The following CDH18 variants were observed in gnomAD, a reference collection of about 807,000 sequenced individuals.
CDH18 encodes cadherin-18.
In CDH18, 31 loss-of-function variants were observed where a neutral mutation model predicts 67.9. The observed-to-expected ratio is 0.46, with a 90% CI of 0.34 to 0.62. The LOEUF (loss-of-function observed/expected upper bound fraction) is 0.62, where lower values mean the gene tolerates loss of function less well. Ranked by LOEUF, CDH18 falls within the 20% of genes least tolerant of loss-of-function variation. CDH18 has a pLI of 0.01. For synonymous variants in CDH18, 362 were observed against 347.2 expected, an observed-to-expected ratio of 1.04 and a Z score of -0.48; for missense variants, 890 against 975.5, an observed-to-expected ratio of 0.91 and a Z score of 1.17.
intron 1 of CDH18, among the ~76,000 whole-genome samples, chr5:20,476,605 A>G (rs969250421): frequency 1.8e-4 from 27 of 152,180 alleles, no homozygotes; most frequent in African/African-American, 6.5e-4. Context: ...CATGGCATTC[A>G]TTATTTCAAT....
chr5:19,631,161 T>C (rs1752360068), intron 5 of CDH18, among the ~76,000 whole-genome samples: 1 of 151,850 alleles, frequency 6.6e-6, no homozygotes, highest in Admixed American at 6.6e-5. Context: ...GAGATAATTC[T>C]AAAGGGAATT....
intron 1 of CDH18, chr5:20,331,341 CTTTCT>C (rs1418653601): frequency 2.0e-5 from 3 of 152,022 alleles, no homozygotes; most frequent in Non-Finnish European, 4.4e-5. Flanking sequence ...TTCCTTTCTT[CTTTCT>C]TTTCTTTAGG....
intron 6 of CDH18, among the ~76,000 whole-genome samples, chr5:19,593,738 C>G (rs540991751): frequency 3.4e-4 from 47 of 139,406 alleles, no homozygotes; most frequent in South Asian, 1.7e-3. Context: ...TCTTCTTCTT[C>G]TTCTTCTTCT....
intron 3 of CDH18, among the ~76,000 whole-genome samples, chr5:19,829,447 G>C (rs563908678): frequency 6.6e-6 from 1 of 152,184 alleles, no homozygotes; most frequent in South Asian, 2.1e-4. Flanking sequence ...AAACAATAAT[G>C]CAATTTCATT....
intron 2 of CDH18, among the ~76,000 whole-genome samples, chr5:20,209,184 A>G (rs1399042123): frequency 6.6e-6 from 1 of 152,110 alleles, no homozygotes; most frequent in East Asian, 1.9e-4. Flanking sequence ...GTTATGAAAA[A>G]CAGTATGTAG....
At chr5:19,870,564 C>T (rs1786147956) in intron 2 of CDH18, among the ~76,000 whole-genome samples, 1 of 152,056 alleles carries the variant, frequency 6.6e-6, no homozygotes, top group African/African-American at 2.4e-5. Flanking sequence ...CAAATGCTTG[C>T]AGAGAATAAG....
intron 6 of CDH18, among the ~76,000 whole-genome samples, chr5:19,601,909 T>G (rs1317642613): frequency 6.6e-6 from 1 of 151,984 alleles, no homozygotes; most frequent in East Asian, 1.9e-4. Flanking sequence ...ATTTTATGAT[T>G]TAAAAAAACA....
At chr5:20,468,441 C>T (rs530199936) in intron 1 of CDH18, among the ~76,000 whole-genome samples, 1 of 152,130 alleles carries the variant, frequency 6.6e-6, no homozygotes, top group Non-Finnish European at 1.5e-5. Flanking sequence ...GAATGATTTC[C>T]CTAAGTATAT....
At chr5:20,386,895 CTATG>C (rs1562022455) in intron 1 of CDH18, among the ~76,000 whole-genome samples, 1 of 152,078 alleles carries the variant, frequency 6.6e-6, no homozygotes, top group Non-Finnish European at 1.5e-5. Context: ...TCTCTCTCCT[CTATG>C]TGTGTGGGTA....
At chr5:20,457,684 C>T (rs1195301940) in intron 1 of CDH18, among the ~76,000 whole-genome samples, 1 of 152,174 alleles carries the variant, frequency 6.6e-6, no homozygotes, top group Middle Eastern at 3.4e-3. Flanking sequence ...TGGAAGGTCT[C>T]CCAGTCTAAA....
At chr5:20,087,084 T>C (rs1417868577) in intron 2 of CDH18, among the ~76,000 whole-genome samples, 1 of 152,214 alleles carries the variant, frequency 6.6e-6, no homozygotes, top group Non-Finnish European at 1.5e-5. Context: ...ACATTAATAG[T>C]TGTTTAAAAG....
At chr5:20,188,860 A>AC (rs1204634486) in intron 2 of CDH18, among the ~76,000 whole-genome samples, 1 of 150,874 alleles carries the variant, frequency 6.6e-6, no homozygotes, top group African/African-American at 2.5e-5. Context: ...AAAAAAAAAA[A>AC]AAATCCACTC....
chr5:19,955,907 T>C (rs1244661942), intron 2 of CDH18, among the ~76,000 whole-genome samples: 4 of 151,968 alleles, frequency 2.6e-5, no homozygotes, highest in Non-Finnish European at 5.9e-5. Context: ...AATACATACA[T>C]TACAAGGTAT....
intron 1 of CDH18, among the ~76,000 whole-genome samples, chr5:20,336,061 C>A (rs995817109): frequency 2.6e-5 from 4 of 152,040 alleles, no homozygotes; most frequent in African/African-American, 9.7e-5. Flanking sequence ...GCTGGTTGGG[C>A]AGATAGGGAG....
chr5:20,469,883 C>A (rs77463070), intron 1 of CDH18, among the ~76,000 whole-genome samples: 1 of 152,128 alleles, frequency 6.6e-6, no homozygotes, highest in Admixed American at 6.6e-5. Context: ...AGTTTCAATT[C>A]TCAGAGACAG....
chr5:19,849,458 A>G (rs1388548511), intron 2 of CDH18, among the ~76,000 whole-genome samples: 1 of 151,738 alleles, frequency 6.6e-6, no homozygotes, highest in Non-Finnish European at 1.5e-5. Context: ...TTTAAGGAGG[A>G]AAGAATTGAA....
intron 7 of CDH18, among the ~76,000 whole-genome samples, chr5:19,585,465 A>C (rs140057378): frequency 4.2e-4 from 64 of 152,290 alleles, no homozygotes; most frequent in Admixed American, 2.0e-3. Flanking sequence ...ATTTGCTTCT[A>C]TCTTCTGTCC....
At chr5:19,733,150 A>C (rs556577628) in intron 4 of CDH18, among the ~76,000 whole-genome samples, 3 of 152,272 alleles carry the variant, frequency 2.0e-5, no homozygotes, top group African/African-American at 7.2e-5. Context: ...ATGAAACCTC[A>C]TCTTCAAGCC....
chr5:20,564,160 C>T (rs898158407), intron 1 of CDH18, among the ~76,000 whole-genome samples: 8 of 151,992 alleles, frequency 5.3e-5, no homozygotes, highest in East Asian at 1.9e-4. Flanking sequence ...TTCCTCATAA[C>T]GACCTTACAT....
Sources: gnomAD v4.1 joint callset for allele counts (sites outside exome capture counted in the v4.1 genomes callset) on GRCh38, gnomAD v4.1.1 for gene constraint, MANE v1.5 for transcripts, NCBI Gene and HGNC (gene_info 2026-07-23, HGNC 2026-07-21) for gene names.